The following AGBL4 variants were observed in gnomAD, a reference collection of about 807,000 sequenced individuals.
AGBL4 encodes AGBL carboxypeptidase 4.
Under a neutral mutation model 66.4 loss-of-function variants are expected in AGBL4, and 58 were observed. The observed-to-expected ratio is 0.87, with a 90% confidence interval of 0.71 to 1.09. The LOEUF is 1.09. Among genes scored for constraint, AGBL4 ranks in the 50% least tolerant of loss-of-function variants. AGBL4 has a pLI of 0.00. For missense variants in AGBL4, 579 were observed against 631.0 expected (o/e 0.92, Z 0.88); for synonymous variants, 234 against 222.9 (o/e 1.05, Z -0.44).
At chr1:48,873,330 A>G (rs1185171938) in intron 5 of AGBL4, among the ~76,000 whole-genome samples, 1 of 152,122 alleles carries the variant, frequency 6.6e-6, no homozygotes, top group East Asian at 1.9e-4. Context: ...CCCCATACCC[A>G]AACTAGTGAG....
intron 3 of AGBL4, among the ~76,000 whole-genome samples, chr1:49,440,882 T>G (rs185443243): frequency 9.5e-4 from 144 of 152,208 alleles, no homozygotes; most frequent in African/African-American, 3.3e-3. Flanking sequence ...GACACTGAGT[T>G]TGTAAACTCT....
intron 3 of AGBL4, among the ~76,000 whole-genome samples, chr1:49,395,828 T>C (rs1382226585): frequency 1.3e-5 from 1 of 78,688 alleles, no homozygotes; most frequent in Non-Finnish European, 2.5e-5. Context: ...TATATATATA[T>C]GTGTATATAT....
intron 6 of AGBL4, among the ~76,000 whole-genome samples, chr1:48,809,677 A>G (rs1444593415): frequency 6.6e-6 from 1 of 152,146 alleles, no homozygotes; most frequent in African/African-American, 2.4e-5. Context: ...TTGTGCCTGC[A>G]GGCTGTTCAA....
intron 4 of AGBL4, among the ~76,000 whole-genome samples, chr1:49,241,258 T>C (rs1458766247): frequency 6.6e-6 from 1 of 152,082 alleles, no homozygotes; most frequent in African/African-American, 2.4e-5. Flanking sequence ...TCCATTGTCA[T>C]TAGAATCAAG....
intron 3 of AGBL4, among the ~76,000 whole-genome samples, chr1:49,467,802 G>C (rs1296332974): frequency 6.6e-6 from 1 of 151,710 alleles, no homozygotes; most frequent in Non-Finnish European, 1.5e-5. Flanking sequence ...AATTCAAGTA[G>C]GACCTAAGAC....
chr1:48,924,214 C>G (rs1557465889), intron 5 of AGBL4, among the ~76,000 whole-genome samples: 1 of 151,914 alleles, frequency 6.6e-6, no homozygotes. Flanking sequence ...CCCCAAACCT[C>G]AGCATCACAC....
At chr1:49,053,160 C>T (rs189753473) in intron 4 of AGBL4, among the ~76,000 whole-genome samples, 2 of 152,214 alleles carry the variant, frequency 1.3e-5, no homozygotes, top group East Asian at 1.9e-4. Flanking sequence ...TCCAAGTTCA[C>T]ACTAAGTGTG....
chr1:49,837,126 A>G (rs1645871675), intron 2 of AGBL4, among the ~76,000 whole-genome samples: 1 of 152,210 alleles, frequency 6.6e-6, no homozygotes, highest in Non-Finnish European at 1.5e-5. Context: ...GCAAGCAGGA[A>G]CGTTTGAGTC....
At chr1:49,729,710 GA>G (rs749338066) in intron 2 of AGBL4, among the ~76,000 whole-genome samples, 144 of 152,066 alleles carry the variant, frequency 9.5e-4, no homozygotes, top group Non-Finnish European at 1.8e-3. Flanking sequence ...AGGGAAGTCT[GA>G]AAAAAGAAAC....
chr1:49,746,029 G>T (rs1256958476), intron 2 of AGBL4, among the ~76,000 whole-genome samples: 1 of 151,884 alleles, frequency 6.6e-6, no homozygotes, highest in Non-Finnish European at 1.5e-5. Flanking sequence ...ATACACCTCA[G>T]ACATAGTCAT....
intron 4 of AGBL4, among the ~76,000 whole-genome samples, chr1:49,096,637 A>C (rs1239097117): frequency 7.1e-6 from 1 of 141,138 alleles, no homozygotes; most frequent in East Asian, 2.1e-4. Context: ...GGAACTGAAC[A>C]ATGAGAACAC....
intron 3 of AGBL4, among the ~76,000 whole-genome samples, chr1:49,326,077 C>T (rs984882685): frequency 2.0e-5 from 3 of 152,234 alleles, no homozygotes; most frequent in East Asian, 3.9e-4. Flanking sequence ...AGTTTGATAA[C>T]GGACTAATAT....
intron 1 of AGBL4, among the ~76,000 whole-genome samples, chr1:50,020,082 T>C (rs1463166641): frequency 2.0e-5 from 3 of 152,008 alleles, no homozygotes; most frequent in Non-Finnish European, 2.9e-5. Context: ...TAAGTGTCCC[T>C]TATTCCTCCA....
At chr1:48,814,489 A>G (rs1646128977) in intron 6 of AGBL4, among the ~76,000 whole-genome samples, 1 of 152,096 alleles carries the variant, frequency 6.6e-6, no homozygotes, top group South Asian at 2.1e-4. Flanking sequence ...AGCTGAAATT[A>G]TATAACTATT....
intron 5 of AGBL4, among the ~76,000 whole-genome samples, chr1:48,976,554 T>C (rs1571143338): frequency 6.6e-6 from 1 of 152,182 alleles, no homozygotes; most frequent in African/African-American, 2.4e-5. Context: ...GTTATATTAA[T>C]AGAATGTCTT....
At chr1:49,256,465 A>G (rs547637262) in intron 3 of AGBL4, among the ~76,000 whole-genome samples, 1 of 152,334 alleles carries the variant, frequency 6.6e-6, no homozygotes, top group African/African-American at 2.4e-5. Flanking sequence ...AGATACCTAT[A>G]AATAAATGTA....
At chr1:48,936,315 C>T (rs1033499914) in intron 5 of AGBL4, among the ~76,000 whole-genome samples, 3 of 152,064 alleles carry the variant, frequency 2.0e-5, no homozygotes, top group Admixed American at 6.6e-5. Context: ...AAGTAAAGAG[C>T]ATTTCCCTTT....
chr1:48,554,491 G>A (rs949142428), intron 11 of AGBL4, among the ~76,000 whole-genome samples: 1 of 152,044 alleles, frequency 6.6e-6, no homozygotes, highest in Non-Finnish European at 1.5e-5. Context: ...TCCTCATTTT[G>A]AGACATCCTT....
chr1:48,913,338 T>C (rs1653305503), intron 5 of AGBL4, among the ~76,000 whole-genome samples: 2 of 152,086 alleles, frequency 1.3e-5, no homozygotes, highest in African/African-American at 4.8e-5. Context: ...GAGTCATAGA[T>C]AGCTTAAGGC....
Sources: allele counts gnomAD v4.1 joint callset (sites outside exome capture counted in the v4.1 genomes callset), GRCh38; gene constraint gnomAD v4.1.1; transcripts MANE v1.5; gene names NCBI Gene and HGNC (gene_info 2026-07-23, HGNC 2026-07-21).